PDE11A: variants seen among roughly 807,000 people sequenced by gnomAD.
The protein encoded by PDE11A is phosphodiesterase 11A.
A neutral mutation model predicts 100.5 loss-of-function variants in PDE11A; 100 were observed. The observed-to-expected ratio is 1.00, with a 90% CI of 0.85 to 1.18. The LOEUF (loss-of-function observed/expected upper bound fraction) is 1.18. Among genes scored for constraint, PDE11A ranks in the 50% most tolerant of loss-of-function variants. The pLI is 0.00. For synonymous variants in PDE11A, 381 were observed against 420.8 expected, an observed-to-expected ratio of 0.91 and a Z score of 1.16; for missense variants, 1,141 against 1,152.6, an observed-to-expected ratio of 0.99 and a Z score of 0.15.
chr2:177,853,871 T>C (rs1246083612), intron 5 of PDE11A, among the ~76,000 whole-genome samples: 3 of 145,320 alleles, frequency 2.1e-5, no homozygotes, highest in African/African-American at 7.6e-5. Context: ...TATATATGTA[T>C]ATAGATATCT....
intron 10 of PDE11A, among the ~76,000 whole-genome samples, chr2:177,754,576 C>G (rs2082066304): frequency 6.6e-6 from 1 of 152,374 alleles, no homozygotes; most frequent in Non-Finnish European, 1.5e-5. Context: ...TCTCCAGCGT[C>G]CCTTCCTTCA....
chr2:177,633,914 G>A (rs1199267956), intron 19 of PDE11A, among the ~76,000 whole-genome samples: 1 of 151,930 alleles, frequency 6.6e-6, no homozygotes, highest in Non-Finnish European at 1.5e-5. Context: ...TTTTCTGCTT[G>A]ATATGTAATT....
chr2:177,631,544 T>TACAC (rs1210249901), intron 19 of PDE11A, among the ~76,000 whole-genome samples: 1 of 16,146 alleles, frequency 6.2e-5, no homozygotes, highest in African/African-American at 1.8e-4. Context: ...TATATATATA[T>TACAC]ATACACATGT....
intron 2 of PDE11A, chr2:177,997,553 TTC>T: frequency 1.2e-6 from 1 of 845,844 alleles, no homozygotes; most frequent in Non-Finnish European, 2.1e-6. Context: ...CTCTTCTGTT[TTC>T]TGTTCTTTTC....
chr2:177,837,431 G>T (rs931853328), intron 6 of PDE11A, among the ~76,000 whole-genome samples: 1 of 151,772 alleles, frequency 6.6e-6, no homozygotes, highest in Non-Finnish European at 1.5e-5. Flanking sequence ...TACAATGGTG[G>T]CTCAGGTTCA....
chr2:177,701,011 G>T, intron 14 of PDE11A, 110 bp downstream of exon 14: 2 of 748,244 alleles, frequency 2.7e-6, no homozygotes, highest in South Asian at 1.4e-5. Context: ...CTTAGAAATG[G>T]TTTTCCCACT....
intron 3 of PDE11A, among the ~76,000 whole-genome samples, chr2:177,898,629 C>A (rs577479163): frequency 6.6e-6 from 1 of 152,166 alleles, no homozygotes; most frequent in African/African-American, 2.4e-5. Flanking sequence ...CCAGAGAATA[C>A]CCCTTCCCTC....
chr2:177,660,079 CT>C (rs1443854819), intron 19 of PDE11A, among the ~76,000 whole-genome samples: 6 of 35,498 alleles, frequency 1.7e-4, no homozygotes, highest in Non-Finnish European at 3.7e-4. Flanking sequence ...TTCTTTCTTT[CT>C]TTCTTTCTTT....
At chr2:177,886,548 C>A (rs575584735) in intron 4 of PDE11A, among the ~76,000 whole-genome samples, 1 of 152,118 alleles carries the variant, frequency 6.6e-6, no homozygotes, top group African/African-American at 2.4e-5. Context: ...AATATAAAGG[C>A]CATAAAACAT....
At chr2:178,071,394 C>G in intron 1 of PDE11A, 132 bp downstream of exon 1, 1 of 1,102,366 alleles carries the variant, frequency 9.1e-7, no homozygotes. Flanking sequence ...AGTCTAAACT[C>G]GGGAATTTAA....
intron 5 of PDE11A, among the ~76,000 whole-genome samples, chr2:177,842,139 C>T (rs1337870209): frequency 6.6e-6 from 1 of 152,224 alleles, no homozygotes; most frequent in Non-Finnish European, 1.5e-5. Context: ...CTTTATTCCA[C>T]ATTTTAATTT....
rs1559047543 is a variant in PDE11A, at chr2:178,029,954, C to T, written c.913-15494G>A. Among the ~76,000 whole-genome samples, 10 of 152,272 alleles carry T rather than the reference C, an allele frequency of 6.6e-5. No individual in the cohort carries two copies. In the South Asian group the frequency reaches 1.9e-3, roughly 28 times the overall value. ...ATATGATGCCTTCCACCATGTTATGCCACAGCAAGAAGGCCCTCACCAGAT... is the reference window on the plus strand; with the variant it reads ...ATATGATGCCTTCCACCATGTTATGTCACAGCAAGAAGGCCCTCACCAGAT... On this transcript the variant is annotated intron_variant, in intron 1 of 19. Transcript: ENST00000286063.
chr2:177,977,816 C>G (rs1337276702), intron 2 of PDE11A, among the ~76,000 whole-genome samples: 1 of 139,036 alleles, frequency 7.2e-6, no homozygotes, highest in Non-Finnish European at 1.6e-5. Context: ...GAAAAACAAG[C>G]AATGGGGAAA....
At position 177,898,131 on chromosome 2, in the gene PDE11A, A is replaced by AT. The variant is rs2084639331; in HGVS notation, c.1228dup (p.Ile410AsnfsTer12). 3 of 1,611,270 alleles carry AT rather than the reference A, an allele frequency of 1.9e-6. No individual in the cohort carries two copies. ...CAGCAGAGTTTGGGCCCGATGCATT[A>AT]TTTTCTTGACAATTTTCTCCAGGTC... On this transcript the variant is annotated frameshift_variant, in exon 4 of 20. Transcript: ENST00000286063. LOFTEE classifies it high-confidence loss of function.
At chr2:177,642,628 A>C (rs953614288) in intron 19 of PDE11A, among the ~76,000 whole-genome samples, 16 of 152,356 alleles carry the variant, frequency 1.1e-4, no homozygotes, top group Non-Finnish European at 2.2e-4. Flanking sequence ...AGCAGAATTC[A>C]TAAAGGCTCA....
rs567621311 is a variant in PDE11A at position 177,737,420 on chromosome 2, T to TACACACACACACACACACACACACAC, written c.1789-9249_1789-9248insGTGTGTGTGTGTGTGTGTGTGTGTGT. On this transcript the variant is annotated intron_variant, in intron 10 of 19. Coordinates refer to ENST00000286063, the MANE Select transcript of PDE11A (RefSeq NM_016953.4). Reference sequence around the variant, plus strand: ...AGTGAAACCCCGTCTCTACTAAAAATACACACACACATACACACACACACA... The same window carrying TACACACACACACACACACACACACAC: ...AGTGAAACCCCGTCTCTACTAAAAATACACACACACACACACACACACACACACACACACACATACACACACACACA... Among the ~76,000 whole-genome samples, 51 of 110,498 alleles carry TACACACACACACACACACACACACAC rather than the reference T, an allele frequency of 4.6e-4. 5 individuals are homozygous for TACACACACACACACACACACACACAC. Among genetic ancestry groups the TACACACACACACACACACACACACAC allele is most frequent in the Admixed American group, 6.0e-4 (6 of 9,958 alleles). The allele number at this position is 110,498 out of a possible 152,430, so 72.5% of individuals were successfully genotyped here. A position where few individuals can be genotyped will look rare whatever the true frequency, so the allele number is the denominator to read the frequency against.
rs77179949 is a variant in PDE11A at position 177,807,896 on chromosome 2, A to T, written c.1737+8933T>A. Among the ~76,000 whole-genome samples, 1,352 of 152,340 alleles carry T rather than the reference A, an allele frequency of 8.9e-3. 13 individuals carry two copies. The highest frequency in any genetic ancestry group is 0.059 in the East Asian group (305 of 5,184). Reference sequence around the variant, plus strand: ...AATATTTATATATGAAGATTAACTAAAAAACAGTTTTTATGTGTCAATAGC... The same window carrying T: ...AATATTTATATATGAAGATTAACTATAAAACAGTTTTTATGTGTCAATAGC... On this transcript the variant is annotated intron_variant, in intron 9 of 19. Coordinates refer to ENST00000286063, the MANE Select transcript of PDE11A (RefSeq NM_016953.4).
At chr2:177,920,452 A>G (rs1209579053) in intron 2 of PDE11A, among the ~76,000 whole-genome samples, 1 of 152,146 alleles carries the variant, frequency 6.6e-6, no homozygotes, top group Non-Finnish European at 1.5e-5. Context: ...AAGAAATATA[A>G]ATTAAAATAA....
chr2:177,634,238 A>C lies in PDE11A; in HGVS notation c.2647-4676T>G, dbSNP rs915729975. On this transcript the variant is annotated intron_variant, in intron 19 of 19. Transcript: ENST00000286063. Reference sequence around the variant, plus strand: ...ATAAAGAAATTGGGGAGGGAGGAGGAATACATATTTCTCAGAATTCCTTTC... The same window carrying C: ...ATAAAGAAATTGGGGAGGGAGGAGGCATACATATTTCTCAGAATTCCTTTC... Among the ~76,000 whole-genome samples the C allele has an allele frequency of 5.9e-5, 9 of 152,142 alleles. 1 individual carries two copies. The highest frequency in any genetic ancestry group is 2.2e-4 in the African/African-American group (9 of 41,488).
Sources: allele counts gnomAD v4.1 joint callset (sites outside exome capture counted in the v4.1 genomes callset), GRCh38; gene constraint gnomAD v4.1.1; transcripts MANE v1.5; gene names NCBI Gene and HGNC (gene_info 2026-07-23, HGNC 2026-07-21).